USP20: variants seen among roughly 807,000 people sequenced by gnomAD.
USP20 encodes ubiquitin specific peptidase 20.
A neutral mutation model predicts 124.2 loss-of-function variants in USP20; 80 were observed. That is an observed-to-expected ratio of 0.64 (90% CI 0.54 to 0.78). The LOEUF (loss-of-function observed/expected upper bound fraction) is 0.78, where lower values mean the gene tolerates loss of function less well. USP20 is among the 30% of genes least tolerant of loss of function. USP20 has a pLI of 0.00. For synonymous variants in USP20, 481 were observed against 512.3 expected, an observed-to-expected ratio of 0.94 and a Z score of 0.83; for missense variants, 1,043 against 1,244.4, an observed-to-expected ratio of 0.84 and a Z score of 2.44.
At chr9:129,848,990 G>C (rs1486975807) in intron 1 of USP20, among the ~76,000 whole-genome samples, 1 of 152,256 alleles carries the variant, frequency 6.6e-6, no homozygotes, top group Admixed American at 6.5e-5. Context: ...TAGTGGCAAT[G>C]TGTGGATGAG....
rs1442306547 is a variant in USP20 at position 129,839,599 on chromosome 9, G to A, written c.-129+4100G>A. ...TGTGCGAGGGCCAGAGGGGACTGTG[G>A]AGGGGGTGGGCACACACCCTGTGCG... On this transcript the variant is annotated intron_variant, in intron 1 of 25. Coordinates refer to ENST00000372429, the MANE Select transcript of USP20 (RefSeq NM_001110303.4). This position sits in a 1 kb window ranked among gnomAD's most constrained non-coding sequence, Gnocchi z 4.5. Among the ~76,000 whole-genome samples, 1 of 152,030 alleles carries A rather than the reference G, an allele frequency of 6.6e-6. No homozygotes were observed. The highest frequency in any genetic ancestry group is 1.5e-5 in the Non-Finnish European group (1 of 67,976).
chr9:129,861,045 C>T lies in USP20; in HGVS notation c.427+12C>T, dbSNP rs773574538. The T allele has an allele frequency of 8.1e-6, 13 of 1,612,246 alleles. 1 individual carries two copies. The highest frequency in any genetic ancestry group is 2.2e-5 in the South Asian group (2 of 91,028). ...CCTGAAACCTCGAGGTAATGGCCCC[C>T]ACAGCAGGGGAAGCTGATGGGCTGG... is the stretch of plus-strand genomic sequence containing the variant. On this transcript the variant is annotated intron_variant, in intron 7 of 25. Transcript: ENST00000372429.
chr9:129,864,843 G>A (rs2033747897), intron 9 of USP20, among the ~76,000 whole-genome samples: 1 of 150,926 alleles, frequency 6.6e-6, no homozygotes, highest in African/African-American at 2.4e-5. Context: ...AAGTTTAAAT[G>A]TGTATCTGTA....
At chr9:129,867,335 G>C (rs2033867639) in intron 10 of USP20, among the ~76,000 whole-genome samples, 1 of 152,226 alleles carries the variant, frequency 6.6e-6, no homozygotes, top group Non-Finnish European at 1.5e-5. Context: ...CCCAGTCACA[G>C]AGTGGTCAGG....
rs763419891 is a variant in USP20, at chr9:129,874,882, T to A, written c.1975T>A (p.Phe659Ile). The A allele has an allele frequency of 6.2e-7, 1 of 1,613,908 alleles. No homozygotes were observed. Among genetic ancestry groups the A allele is most frequent in the Non-Finnish European group, 8.5e-7 (1 of 1,179,978 alleles). ...CGTGATCAATGGGCAGTGGTACGAGTTTGATGACCAGTACGTCACAGAAGT... is the reference window on the plus strand; with the variant it reads ...CGTGATCAATGGGCAGTGGTACGAGATTGATGACCAGTACGTCACAGAAGT... ...QNVINGQWYE[F>I]DDQYVTEVHE... is the part of the protein sequence containing the mutation. Residue 659 changes from phenylalanine to isoleucine, a missense_variant, in exon 19 of 26, where the codon TTT becomes ATT. Physicochemically the swap from Phe to Ile is conservative, Grantham distance 21. Transcript: ENST00000372429.
chr9:129,840,019 A>G (rs1048717005), intron 1 of USP20, among the ~76,000 whole-genome samples: 2 of 152,126 alleles, frequency 1.3e-5, no homozygotes, highest in South Asian at 2.1e-4. Context: ...CTCTTTGCCA[A>G]AAGTCTCAGG....
At chr9:129,845,807 T>TA (rs2032506183) in intron 1 of USP20, among the ~76,000 whole-genome samples, 1 of 152,158 alleles carries the variant, frequency 6.6e-6, no homozygotes, top group Admixed American at 6.5e-5. Context: ...AAAAAGGAAA[T>TA]AAAAATCACT....
chr9:129,864,033 G>A (rs967175351), intron 9 of USP20, among the ~76,000 whole-genome samples: 2 of 151,426 alleles, frequency 1.3e-5, no homozygotes, highest in African/African-American at 4.9e-5. Context: ...TTGAACCTGG[G>A]AGGCGGAGGT....
chr9:129,867,597 C>A (rs2033883142), intron 10 of USP20, among the ~76,000 whole-genome samples: 3 of 152,094 alleles, frequency 2.0e-5, no homozygotes, highest in South Asian at 2.1e-4. Flanking sequence ...CCTTCCGCCA[C>A]CCCCCTGCCC....
Position 129,870,210 on chromosome 9 carries a change from A to C in USP20, c.1566-243A>C, listed in dbSNP as rs1400226332. 6 of 570,932 alleles carry C rather than the reference A, an allele frequency of 1.1e-5. No individual in the cohort carries two copies. The East Asian group carries it at 1.2e-4, about 11-fold the overall frequency. The allele number at this position is 570,932 out of a possible 1,614,324, so 35.4% of individuals were successfully genotyped here. ...ACCCGCATGACCCCAGGGAGGGGGT[A>C]GCATGATCATGGCCGCAACACAGAT... On this transcript the variant is annotated intron_variant, in intron 14 of 25. Coordinates refer to ENST00000372429, the MANE Select transcript of USP20 (RefSeq NM_001110303.4).
At chr9:129,838,240 C>T (rs1455847983) in intron 1 of USP20, among the ~76,000 whole-genome samples, 1 of 152,026 alleles carries the variant, frequency 6.6e-6, no homozygotes, top group Admixed American at 6.6e-5. Flanking sequence ...CGGGGTTTCA[C>T]CATGTTGGCC....
intron 20 of USP20, 35 bp downstream of exon 20, chr9:129,875,514 G>A: frequency 6.2e-7 from 1 of 1,613,080 alleles, no homozygotes; most frequent in Non-Finnish European, 8.5e-7. Flanking sequence ...AGCAGGGTGG[G>A]CAGCTGGGCC....
At chr9:129,850,179 A>G (rs1420471959) in intron 2 of USP20, among the ~76,000 whole-genome samples, 1 of 152,240 alleles carries the variant, frequency 6.6e-6, no homozygotes, top group Non-Finnish European at 1.5e-5. Context: ...ACATGGAAAC[A>G]TGGAAGTGCG....
At chr9:129,845,583 T>C (rs1474800259) in intron 1 of USP20, among the ~76,000 whole-genome samples, 7 of 151,866 alleles carry the variant, frequency 4.6e-5, no homozygotes, top group African/African-American at 1.7e-4. Flanking sequence ...GCCCAGGCTG[T>C]AGTGCAGTGG....
At position 129,875,715 on chromosome 9, in the gene USP20, G is replaced by A. The variant is rs1028463212; in HGVS notation, c.2300+74G>A. On this transcript the variant is annotated intron_variant, in intron 21 of 25. Transcript: ENST00000372429. The stretch of plus-strand genomic sequence containing the variant: ...TGGGCAGGAAAAGAGGGGAGGGCAG[G>A]GAAGGAATGCCACCAGGACCCCACA... 61 of 1,478,550 alleles carry A rather than the reference G, an allele frequency of 4.1e-5. 1 individual carries two copies. In the Admixed American group the frequency reaches 4.8e-4, roughly 12 times the overall value. 91.6% of individuals were successfully genotyped at this position (1,478,550 alleles called of 1,614,324 possible).
Position 129,880,604 on chromosome 9 carries a change from C to T in USP20, c.*154C>T. 3.4e-6 allele frequency: 1 copy of T among 292,596 alleles called. No homozygotes were observed. Among genetic ancestry groups the T allele is most frequent in the Non-Finnish European group, 6.7e-6 (1 of 150,346 alleles). 18.1% of individuals were successfully genotyped at this position (292,596 alleles called of 1,614,324 possible). On this transcript the variant is annotated 3_prime_UTR_variant, in exon 26 of 26. Transcript: ENST00000372429. ...CTGCAACTAGAAAATATATGCACTT[C>T]AGGCTTGTTGAAACGACCAAGACTC...
chr9:129,865,256 C>G (rs1359923296), intron 9 of USP20, 47 bp from the exon 10 acceptor site: 2 of 1,595,206 alleles, frequency 1.3e-6, no homozygotes, highest in East Asian at 2.2e-5. Flanking sequence ...CGGGAATGAG[C>G]AGCTCAAGGC....
chr9:129,872,550 TG>T (rs2034177371), intron 15 of USP20, among the ~76,000 whole-genome samples: 1 of 152,228 alleles, frequency 6.6e-6, no homozygotes, highest in Non-Finnish European at 1.5e-5. Context: ...TTGTGTCTTT[TG>T]CTTTGGTTGC....
At chr9:129,849,470 C>T (rs2032776675) in intron 1 of USP20, among the ~76,000 whole-genome samples, 1 of 152,144 alleles carries the variant, frequency 6.6e-6, no homozygotes, top group Non-Finnish European at 1.5e-5. Context: ...TTTAAAATAA[C>T]GGAACTGTCT....
Sources: allele counts gnomAD v4.1 joint callset (sites outside exome capture counted in the v4.1 genomes callset), GRCh38; gene constraint gnomAD v4.1.1; non-coding constraint Gnocchi (gnomAD v3.1); transcripts MANE v1.5; gene names NCBI Gene and HGNC (gene_info 2026-07-23, HGNC 2026-07-21).